Variants in GRB7 observed in about 807,000 individuals in gnomAD.
GRB7 encodes growth factor receptor-bound protein 7.
In GRB7, 47 loss-of-function variants were observed where a neutral mutation model predicts 64.1. The ratio of observed to expected loss-of-function variants is 0.73; its 90% CI spans 0.58 to 0.94. The LOEUF is 0.94. GRB7 is among the 40% of genes least tolerant of loss of function. GRB7 has a pLI of 0.00. For missense variants in GRB7, 634 were observed against 718.4 expected (o/e 0.88, Z 1.34); for synonymous variants, 277 against 279.9 (o/e 0.99, Z 0.10).
chr17:39,737,974 C>T lies in GRB7; in HGVS notation c.-210C>T, dbSNP rs1265253473. On this transcript the variant is annotated 5_prime_UTR_variant, in exon 1 of 15. Transcript: ENST00000309156. ...GCCTGGAATCTGGACACACAGGGCTCCCCCCCGCCTCTGACTTCTCTGTCC... is the reference window on the plus strand; with the variant it reads ...GCCTGGAATCTGGACACACAGGGCTTCCCCCCGCCTCTGACTTCTCTGTCC... The T allele has an allele frequency of 6.6e-6, 1 of 152,222 alleles. No individual in the cohort carries two copies. The highest frequency in any genetic ancestry group is 2.4e-5 in the African/African-American group (1 of 41,406). The allele number at this position is 152,222 out of a possible 1,614,324, so 9.4% of individuals were successfully genotyped here. A position where few individuals can be genotyped will look rare whatever the true frequency, so the allele number is the denominator to read the frequency against.
chr17:39,744,249 G>T, intron 7 of GRB7, 42 bp downstream of exon 7: 2 of 1,607,226 alleles, frequency 1.2e-6, no homozygotes, highest in Middle Eastern at 2.0e-4. Context: ...TCCAGTCCCT[G>T]GTCCTTTTAG....
At chr17:39,744,364 C>G in intron 7 of GRB7, 157 bp downstream of exon 7, 1 of 964,044 alleles carries the variant, frequency 1.0e-6, no homozygotes, top group Admixed American at 2.1e-5. Flanking sequence ...GCCTAGCTCA[C>G]CTGCCCAGGG....
chr17:39,743,819 CAAAAAAAAAAAAAAAAA>C (rs35101034), intron 6 of GRB7, among the ~76,000 whole-genome samples: 1 of 41,676 alleles, frequency 2.4e-5, no homozygotes, highest in African/African-American at 1.1e-4. Context: ...CTCGTCTCTC[CAAAAAAAAAAAAAAAAA>C]AAAAAAAAAG....
At chr17:39,744,048 C>T (rs2060020804) in intron 6 of GRB7, 22 bp from the exon 7 acceptor site, 3 of 1,613,784 alleles carry the variant, frequency 1.9e-6, no homozygotes, top group Non-Finnish European at 2.5e-6. Context: ...CTGTCACTCT[C>T]CTCTGCTCTC....
At chr17:39,741,453 CCTT>C (rs1424529613) in intron 1 of GRB7, among the ~76,000 whole-genome samples, 2 of 152,244 alleles carry the variant, frequency 1.3e-5, no homozygotes, top group African/African-American at 4.8e-5. Context: ...TTCCCCACCT[CCTT>C]CTCCCCTCTG....
intron 14 of GRB7, among the ~76,000 whole-genome samples, chr17:39,746,525 A>G (rs1351024057): frequency 6.6e-6 from 1 of 151,812 alleles, no homozygotes; most frequent in East Asian, 1.9e-4. Context: ...CTGAGGTGGG[A>G]GCATTGCTTG....
rs1405032570 is a variant in GRB7, at chr17:39,742,284, C to T, written c.-18C>T. ...GCACACAACTGGTTCCGTTAAGCCCCTCTCTTGCTCAGACGCCATGGAGCT... is the reference window on the plus strand; with the variant it reads ...GCACACAACTGGTTCCGTTAAGCCCTTCTCTTGCTCAGACGCCATGGAGCT... On this transcript the variant is annotated 5_prime_UTR_variant, in exon 2 of 15. Coordinates refer to ENST00000309156, the MANE Select transcript of GRB7 (RefSeq NM_005310.5). The T allele has an allele frequency of 2.5e-6, 4 of 1,613,838 alleles. No homozygotes were observed.
chr17:39,745,609 G>A lies in GRB7; in HGVS notation c.1209+71G>A, dbSNP rs77665280. The A allele has an allele frequency of 1.8e-5, 28 of 1,561,164 alleles. No individual in the cohort carries two copies. The East Asian group carries it at 3.8e-4, about 21-fold the overall frequency. ...TCTGGGTGGGATCCCTGAAATAGGA[G>A]GGAGGAAGAGAGGGCGGGGGGAGGC... On this transcript the variant is annotated intron_variant, in intron 11 of 14. Transcript: ENST00000309156.
rs886181609 is a variant in GRB7, at chr17:39,738,741, G to A, written c.-51+608G>A. The A allele has an allele frequency of 2.3e-5, 13 of 575,612 alleles. No individual in the cohort carries two copies. In the Admixed American group the frequency reaches 2.3e-4, roughly 10 times the overall value. The allele number at this position is 575,612 out of a possible 1,614,324, so 35.7% of individuals were successfully genotyped here. On this transcript the variant is annotated intron_variant, in intron 1 of 14. Transcript: ENST00000309156. The stretch of plus-strand genomic sequence containing the variant: ...GCTCGCCCAGTTTACCCCAGTTTGG[G>A]TTTCCCCAAGTCTCTAAGACAGACG...
Position 39,745,722 on chromosome 17 carries a change from C to T in GRB7, c.1210-6C>T. 1 of 1,613,352 alleles carries T rather than the reference C, an allele frequency of 6.2e-7. No homozygotes were observed. The highest frequency in any genetic ancestry group is 8.5e-7 in the Non-Finnish European group (1 of 1,179,970). The stretch of plus-strand genomic sequence containing the variant: ...CGACTCTCCCGTATCTCCCACTGCT[C>T]CACAGAAGAAGACAAACCACCGCCT... On this transcript the variant is annotated splice_polypyrimidine_tract_variant and splice_region_variant and intron_variant, in intron 11 of 14. Coordinates refer to ENST00000309156, the MANE Select transcript of GRB7 (RefSeq NM_005310.5).
At chr17:39,746,690 G>A in intron 14 of GRB7, 61 bp from the exon 15 acceptor site, 1 of 1,578,968 alleles carries the variant, frequency 6.3e-7, no homozygotes, top group Admixed American at 1.8e-5. Flanking sequence ...CCTGGCCCAG[G>A]AGGGAGCTTC....
chr17:39,744,812 C>T, intron 8 of GRB7, 74 bp from the exon 9 acceptor site: 1 of 1,402,794 alleles, frequency 7.1e-7, no homozygotes, highest in Non-Finnish European at 1.0e-6. Flanking sequence ...GGATTCAGCT[C>T]TGCTATGTGG....
intron 7 of GRB7, 117 bp from the exon 8 acceptor site, chr17:39,744,436 A>C: frequency 1.1e-6 from 1 of 891,042 alleles, no homozygotes. Flanking sequence ...TTGCTGTGTG[A>C]CCCTGGGTAT....
At chr17:39,743,879 G>GGT (rs1285513653) in intron 6 of GRB7, among the ~76,000 whole-genome samples, 191 bp from the exon 7 acceptor site, 1 of 151,400 alleles carries the variant, frequency 6.6e-6, no homozygotes, top group African/African-American at 2.4e-5. Flanking sequence ...TGTAGTCCCA[G>GGT]GTGCTTGGGA....
In GRB7 at chr17:39,744,967, G is replaced by A. The variant is rs2060031057; in HGVS notation, c.994G>A (p.Ala332Thr). 4 of 1,613,618 alleles carry A rather than the reference G, an allele frequency of 2.5e-6. No homozygotes were observed. In the South Asian group the frequency reaches 4.4e-5, roughly 18 times the overall value. The change falls in exon 9 of 15, where the codon GCC (alanine) becomes ACC (threonine). Residue 332 changes from alanine (A) to threonine (T), a missense_variant. Around this residue, in one of 2 missense-constraint regions of GRB7, gnomAD observed 467 missense variants for 576.6 expected, o/e 0.81. Coordinates refer to ENST00000309156, the MANE Select transcript of GRB7 (RefSeq NM_005310.5). ...GCAGAGCCGCACCTGCTGGCTGGCT[G>A]CCTTCCGCCTCTTCAAGGTGAGACC... is the stretch of plus-strand genomic sequence containing the variant. ...DEQSRTCWLA[A>T]FRLFKYGVQL...
rs1014452085 is a variant in GRB7 at position 39,744,909 on chromosome 17, C to T, written c.936C>T (p.His312=). ...AGCCCAACAAGCTTCGAAATGGCCA[C>T]AAGGGGCTTCGGATCTTCTGCAGTG... The part of the protein sequence containing the change: ...CVKPNKLRNG[H]KGLRIFCSED... Residue 312 remains histidine, a synonymous_variant, in exon 9 of 15, where the codon CAC becomes CAT. Transcript: ENST00000309156. The T allele has an allele frequency of 6.2e-7, 1 of 1,614,120 alleles. No homozygotes were observed. Among genetic ancestry groups the T allele is most frequent in the Non-Finnish European group, 8.5e-7 (1 of 1,179,976 alleles).
chr17:39,745,870 G>C (rs371077901), intron 12 of GRB7, 43 bp from the exon 13 acceptor site: 9 of 1,611,582 alleles, frequency 5.6e-6, no homozygotes, highest in African/African-American at 1.3e-5. Context: ...TGGTATAGGG[G>C]TCCCCTCCCC....
chr17:39,739,312 A>G (rs1235934274), intron 1 of GRB7, among the ~76,000 whole-genome samples: 1 of 152,210 alleles, frequency 6.6e-6, no homozygotes, highest in East Asian at 1.9e-4. Flanking sequence ...GAGACACTCC[A>G]GCATTCTTCC....
Position 39,745,419 on chromosome 17 carries a change from C to A in GRB7, c.1093-3C>A. ...GACCTCTCTCCTCTCCTTCCATCTCCAGAGAAGTGCCTCAGATAATACCCT... is the reference window on the plus strand; with the variant it reads ...GACCTCTCTCCTCTCCTTCCATCTCAAGAGAAGTGCCTCAGATAATACCCT... On this transcript the variant is annotated splice_polypyrimidine_tract_variant and splice_region_variant and intron_variant, in intron 10 of 14. Coordinates refer to ENST00000309156, the MANE Select transcript of GRB7 (RefSeq NM_005310.5). The A allele has an allele frequency of 6.2e-7, 1 of 1,613,784 alleles. No individual in the cohort carries two copies. The highest frequency in any genetic ancestry group is 8.5e-7 in the Non-Finnish European group (1 of 1,179,768).
Sources: allele counts gnomAD v4.1 joint callset (sites outside exome capture counted in the v4.1 genomes callset), GRCh38; gene constraint gnomAD v4.1.1; regional missense constraint gnomAD v4.1.1; transcripts MANE v1.5; gene names NCBI Gene and HGNC (gene_info 2026-07-23, HGNC 2026-07-21).